SHANK1: variants seen among roughly 807,000 people sequenced by gnomAD.
SHANK1 encodes the protein SH3 and multiple ankyrin repeat domains protein 1.
SHANK1 carries 35 observed loss-of-function variants against 165.6 expected under a neutral mutation model. The ratio of observed to expected loss-of-function variants is 0.21; its 90% CI spans 0.16 to 0.28. The LOEUF (loss-of-function observed/expected upper bound fraction) is 0.28, where lower values mean the gene tolerates loss of function less well. Ranked by LOEUF, SHANK1 falls within the 10% of genes least tolerant of loss-of-function variation. The probability of loss-of-function intolerance (pLI) is 1.00; values close to 1 mark genes in which losing one functional copy is unlikely to be tolerated. For missense variants in SHANK1, 2,681 were observed against 3,036.4 expected, an observed-to-expected ratio of 0.88 and a Z score of 2.75; for synonymous variants, 1,428 against 1,384.8, an observed-to-expected ratio of 1.03 and a Z score of -0.69.
In SHANK1 at chr19:50,686,965, G is replaced by A; in HGVS notation, c.2390-153C>T. 2 of 1,372,252 alleles carry A rather than the reference G, an allele frequency of 1.5e-6. No homozygotes were observed. The highest frequency in any genetic ancestry group is 2.8e-5 in the East Asian group (1 of 35,402). 85.0% of individuals were successfully genotyped at this position (1,372,252 alleles called of 1,614,324 possible). On this transcript the variant is annotated intron_variant, in intron 19 of 23. Transcript: ENST00000293441. The surrounding 1 kb of genome is among the most constrained non-coding windows in gnomAD (Gnocchi z 5.7). ...GCCGGGGTCAGGGAGGGGCGAGTCC[G>A]CCGGCGGGGTCGGGAGACGGGGGCC...
intron 21 of SHANK1, among the ~76,000 whole-genome samples, chr19:50,676,449 A>G (rs1463611342): frequency 6.6e-6 from 1 of 152,064 alleles, no homozygotes; most frequent in Non-Finnish European, 1.5e-5. Flanking sequence ...AAAGGCCCTG[A>G]GGTGAAGGTG....
In SHANK1 at chr19:50,668,718, G is replaced by C. The variant is rs1318401243; in HGVS notation, c.3242C>G (p.Ala1081Gly). 1.6e-5 allele frequency: 20 copies of C among 1,289,276 alleles called. No homozygotes were observed. Among genetic ancestry groups the C allele is most frequent in the Non-Finnish European group, 6.8e-6 (7 of 1,024,974 alleles). The allele number at this position is 1,289,276 out of a possible 1,614,324, so 79.9% of individuals were successfully genotyped here. Reference sequence around the variant, plus strand: ...CGGGGGCAGCTGGAAATAGCGTAGAGCCGGGCCCTGGGAGGAGCCGCCGCC... The same window carrying C: ...CGGGGGCAGCTGGAAATAGCGTAGACCCGGGCCCTGGGAGGAGCCGCCGCC... ...GGGGGSSQGP[A>G]LRYFQLPPRA... Residue 1081 changes from alanine to glycine, a missense_variant, in exon 23 of 24, where the codon GCT (alanine) becomes GGT (glycine). By Grantham distance (60) the Ala-to-Gly change is moderately conservative. Transcript: ENST00000293441.
intron 21 of SHANK1, among the ~76,000 whole-genome samples, chr19:50,680,586 G>A (rs1294495132): frequency 1.3e-5 from 2 of 152,060 alleles, no homozygotes; most frequent in Non-Finnish European, 2.9e-5. Context: ...CCTCCTCTAG[G>A]TTATATGCAA....
Position 50,718,083 on chromosome 19 carries a change from G to C in SHANK1, c.-43-1121C>G, listed in dbSNP as rs1433553686. The stretch of plus-strand genomic sequence containing the variant: ...TCCTGCACCGTTGCCATGGAGATGG[G>C]AAGCAGTGGAGGGTACTGCTGACTT... On this transcript the variant is annotated intron_variant, in intron 1 of 23. Transcript: ENST00000293441. The surrounding 1 kb of genome is among the most constrained non-coding windows in gnomAD (Gnocchi z 5.1). Among the ~76,000 whole-genome samples the C allele has an allele frequency of 1.3e-5, 2 of 152,190 alleles. No individual in the cohort carries two copies. Among genetic ancestry groups the C allele is most frequent in the Non-Finnish European group, 2.9e-5 (2 of 68,028 alleles).
rs1485302335 is a variant in SHANK1, at chr19:50,719,410, C to T, written c.-48G>A. ...CCAGGTTCTCGACCCCCTTACCTGC[C>T]TGGCGGGGCTGCTGAGTCCCGGTCG... On this transcript the variant is annotated 5_prime_UTR_variant, in exon 1 of 24. Transcript: ENST00000293441. 6.7e-6 allele frequency: 1 copy of T among 150,334 alleles called. No homozygotes were observed. The highest frequency in any genetic ancestry group is 2.0e-4 in the East Asian group (1 of 4,994). The allele number at this position is 150,334 out of a possible 1,614,324, so 9.3% of individuals were successfully genotyped here.
intron 22 of SHANK1, among the ~76,000 whole-genome samples, chr19:50,669,738 T>C (rs1451504946): frequency 1.3e-5 from 2 of 151,702 alleles, no homozygotes; most frequent in African/African-American, 2.4e-5. Context: ...GAACCACTTA[T>C]GATGAGGCTA....
chr19:50,671,628 C>T (rs889809227), intron 22 of SHANK1, among the ~76,000 whole-genome samples: 2 of 152,030 alleles, frequency 1.3e-5, no homozygotes, highest in African/African-American at 4.8e-5. Flanking sequence ...GTTTTATTCG[C>T]TGACGTATCC....
Position 50,683,077 on chromosome 19 carries a change from C to T in SHANK1, c.2577+3160G>A, listed in dbSNP as rs540491635. Among the ~76,000 whole-genome samples the T allele has an allele frequency of 8.5e-5, 13 of 152,284 alleles. No individual in the cohort carries two copies. The East Asian group carries it at 2.3e-3, about 27-fold the overall frequency. On this transcript the variant is annotated intron_variant, in intron 21 of 23. Coordinates refer to ENST00000293441, the MANE Select transcript of SHANK1 (RefSeq NM_016148.5). ...GAACTACTAAGCTCCAGGGATCAGC[C>T]AGCCTCAGCCTTCCAAAGTGCTGGG...
rs1217623017 is a variant in SHANK1, at chr19:50,686,260, G to A, written c.2554C>T (p.Pro852Ser). 1 of 1,604,418 alleles carries A rather than the reference G, an allele frequency of 6.2e-7. No homozygotes were observed. Among genetic ancestry groups the A allele is most frequent in the African/African-American group, 1.3e-5 (1 of 74,610 alleles). The change falls in exon 21 of 24, where the codon CCC (proline) becomes TCC (serine). Residue 852 changes from proline to serine, a missense_variant. By Grantham distance (74) the Pro-to-Ser change is moderately conservative (BLOSUM62 -1). Around this residue, in one of 10 missense-constraint regions of SHANK1, gnomAD observed 206 missense variants for 216.0 expected, o/e 0.95. Coordinates refer to ENST00000293441, the MANE Select transcript of SHANK1 (RefSeq NM_016148.5). This position sits in a 1 kb window ranked among gnomAD's most constrained non-coding sequence, Gnocchi z 5.7. ...ACCTCAGTGGCAAAGAAACCTTTGGGTCGGTGTTTGCCCAGGGACGCGAGG... is the reference window on the plus strand; with the variant it reads ...ACCTCAGTGGCAAAGAAACCTTTGGATCGGTGTTTGCCCAGGGACGCGAGG... ...GGLASLGKHR[P>S]KGFFATESSF...
At chr19:50,695,019 G>A (rs1986686936) in intron 15 of SHANK1, among the ~76,000 whole-genome samples, 2 of 147,044 alleles carry the variant, frequency 1.4e-5, no homozygotes, top group African/African-American at 4.9e-5. Context: ...GACCCCCGCC[G>A]CCGACCGCAG....
rs765337097 is a variant in SHANK1 at position 50,667,059 on chromosome 19, A to T, written c.4901T>A (p.Leu1634Gln). 5 of 1,551,748 alleles carry T rather than the reference A, an allele frequency of 3.2e-6. No individual in the cohort carries two copies. In the Admixed American group the frequency reaches 9.5e-5, roughly 30 times the overall value. ...LTSYDSEVAT[L>Q]TQGASAAPGD... is the part of the protein sequence containing the mutation. ...AGGAGCGGCGGAGGCCCCCTGGGTC[A>T]GGGTGGCCACCTCGCTGTCATAGGA... Residue 1634 changes from leucine to glutamine, a missense_variant, in exon 23 of 24, where the codon CTG (leucine) becomes CAG (glutamine). Leu to Gln is a moderately radical substitution (Grantham distance 113, BLOSUM62 -2). Coordinates refer to ENST00000293441, the MANE Select transcript of SHANK1 (RefSeq NM_016148.5). This position sits in a 1 kb window ranked among gnomAD's most constrained non-coding sequence, Gnocchi z 5.7.
chr19:50,671,998 T>C lies in SHANK1; in HGVS notation c.2674+20A>G. ...CCTGGCCTCCCCCAGCCCCCACATC[T>C]CTTCTTCTGGGTGGCATACCGATAG... On this transcript the variant is annotated intron_variant, in intron 22 of 23. Transcript: ENST00000293441. 6.3e-7 allele frequency: 1 copy of C among 1,590,040 alleles called. No homozygotes were observed. Among genetic ancestry groups the C allele is most frequent in the African/African-American group, 1.3e-5 (1 of 74,434 alleles).
At chr19:50,703,176 A>AC (rs534233173) in intron 11 of SHANK1, among the ~76,000 whole-genome samples, 2,914 of 91,298 alleles carry the variant, frequency 0.032, 32 homozygotes, top group Non-Finnish European at 0.041. Context: ...AGTCCCTGCC[A>AC]CCCCCCCCAT....
Position 50,697,793 on chromosome 19 carries a change from G to C in SHANK1, c.1861+50C>G. Reference sequence around the variant, plus strand: ...CCCCCATTAGGAAGGGAAAGGAGTGGACGTGGGAATCCTAGGGTCCATTGA... The same window carrying C: ...CCCCCATTAGGAAGGGAAAGGAGTGCACGTGGGAATCCTAGGGTCCATTGA... On this transcript the variant is annotated intron_variant, in intron 13 of 23. Transcript: ENST00000293441. This position sits in a 1 kb window ranked among gnomAD's most constrained non-coding sequence, Gnocchi z 4.7. 6.5e-7 allele frequency: 1 copy of C among 1,543,724 alleles called. No homozygotes were observed. The highest frequency in any genetic ancestry group is 8.9e-7 in the Non-Finnish European group (1 of 1,117,834).
At position 50,717,203 on chromosome 19, in the gene SHANK1, C is replaced by T. The variant is rs1202683992; in HGVS notation, c.-43-241G>A. On this transcript the variant is annotated intron_variant, in intron 1 of 23. Transcript: ENST00000293441. This position sits in a 1 kb window ranked among gnomAD's most constrained non-coding sequence, Gnocchi z 5.5. ...GTGTCTCCTTCCCTGCCCTTGGCCCCGCTTGCAGCCCGCCCCCTGCGCCCC... is the reference window on the plus strand; with the variant it reads ...GTGTCTCCTTCCCTGCCCTTGGCCCTGCTTGCAGCCCGCCCCCTGCGCCCC... Among the ~76,000 whole-genome samples the T allele has an allele frequency of 6.6e-6, 1 of 152,216 alleles. No individual in the cohort carries two copies. Among genetic ancestry groups the T allele is most frequent in the African/African-American group, 2.4e-5 (1 of 41,446 alleles).
intron 21 of SHANK1, among the ~76,000 whole-genome samples, chr19:50,683,562 G>T (rs1388639184): frequency 2.0e-5 from 3 of 152,062 alleles, no homozygotes; most frequent in Admixed American, 6.6e-5. Context: ...ACTTAGGAAC[G>T]CTAGACAGCT....
intron 8 of SHANK1, among the ~76,000 whole-genome samples, chr19:50,705,418 T>A (rs1038596903): frequency 1.3e-5 from 2 of 152,246 alleles, no homozygotes; most frequent in African/African-American, 4.8e-5. Flanking sequence ...AAGTAAAATA[T>A]GTTGTTAAAA....
rs753824429 is a variant in SHANK1, at chr19:50,716,828, T to C, written c.92A>G (p.Asp31Gly). The C allele has an allele frequency of 1.3e-6, 2 of 1,568,288 alleles. No homozygotes were observed. Among genetic ancestry groups the C allele is most frequent in the Non-Finnish European group, 1.7e-6 (2 of 1,162,020 alleles). ...CCCCCGGGGGCCTCGACCTGGCCCG[T>C]CTGGGGAGCTGTCGGACTCTGAGCC... Reference protein sequence around the residue: ...EGGSESDSSPDGPGRGPRGTR... With the variant: ...EGGSESDSSPGGPGRGPRGTR... The change falls in exon 2 of 24, where the codon GAC becomes GGC. Residue 31 changes from aspartate to glycine, a missense_variant. Around this residue, in one of 10 missense-constraint regions of SHANK1, gnomAD observed 118 missense variants for 106.9 expected, o/e 1.10. Transcript: ENST00000293441. The surrounding 1 kb of genome is among the most constrained non-coding windows in gnomAD (Gnocchi z 8.4).
Position 50,697,095 on chromosome 19 carries a change from C to G in SHANK1, c.1964+1G>C. On this transcript the variant is annotated splice_donor_variant, in intron 15 of 23. Coordinates refer to ENST00000293441, the MANE Select transcript of SHANK1 (RefSeq NM_016148.5). LOFTEE classifies it high-confidence loss of function. The surrounding 1 kb of genome is among the most constrained non-coding windows in gnomAD (Gnocchi z 4.7). The stretch of plus-strand genomic sequence containing the variant: ...TCCCCTCCCTGCCCCTCGCCTCTCA[C>G]CTCCCTGGGCCAATCCCATCCATTA... 1 of 1,612,316 alleles carries G rather than the reference C, an allele frequency of 6.2e-7. No homozygotes were observed. The highest frequency in any genetic ancestry group is 8.5e-7 in the Non-Finnish European group (1 of 1,179,310).
Sources: allele counts gnomAD v4.1 joint callset (sites outside exome capture counted in the v4.1 genomes callset), GRCh38; gene constraint gnomAD v4.1.1; regional missense constraint gnomAD v4.1.1; non-coding constraint Gnocchi (gnomAD v3.1); transcripts MANE v1.5; gene names NCBI Gene and HGNC (gene_info 2026-07-23, HGNC 2026-07-21).